UGDH: variants seen among roughly 807,000 people sequenced by gnomAD.
The protein encoded by UGDH is UDP-Glc dehydrogenase.
Under a neutral mutation model 50.6 loss-of-function variants are expected in UGDH, and 38 were observed. The ratio of observed to expected loss-of-function variants is 0.75; its 90% CI spans 0.58 to 0.98. UGDH has a LOEUF of 0.98. Ranked by LOEUF, UGDH falls within the 50% of genes least tolerant of loss-of-function variation. The probability of loss-of-function intolerance (pLI) is 0.00; values close to 1 mark genes in which losing one functional copy is unlikely to be tolerated. For synonymous variants in UGDH, 168 were observed against 199.9 expected (o/e 0.84, Z 1.35); for missense variants, 465 against 606.2 (o/e 0.77, Z 2.45).
intron 7 of UGDH, among the ~76,000 whole-genome samples, chr4:39,506,906 C>T (rs1319937720): frequency 6.6e-6 from 1 of 152,050 alleles, no homozygotes; most frequent in Non-Finnish European, 1.5e-5. Flanking sequence ...ACCTGTAGTC[C>T]CAGCTACTCA....
rs760394376 is a variant in UGDH, at chr4:39,503,994, A to G, written c.1264-9T>C. 19 of 1,610,366 alleles carry G rather than the reference A, an allele frequency of 1.2e-5. No individual in the cohort carries two copies. The Admixed American group carries it at 2.5e-4, about 21-fold the overall frequency. On this transcript the variant is annotated splice_polypyrimidine_tract_variant and intron_variant, in intron 10 of 11. Coordinates refer to ENST00000316423, the MANE Select transcript of UGDH (RefSeq NM_003359.4). ...CGTTCATAATCCAATTCCTGTAAAG[A>G]CAAACCACAGGAACAATTAAAACAC...
At chr4:39,512,402 G>T (rs1362426090) in intron 3 of UGDH, among the ~76,000 whole-genome samples, 1 of 152,144 alleles carries the variant, frequency 6.6e-6, no homozygotes, top group African/African-American at 2.4e-5. Flanking sequence ...AACAACTTAG[G>T]GCAAGAGTTA....
chr4:39,508,714 T>A, intron 6 of UGDH, 54 bp from the exon 7 acceptor site: 2 of 1,473,376 alleles, frequency 1.4e-6, no homozygotes, highest in Non-Finnish European at 9.2e-7. Flanking sequence ...GAAAACTCAA[T>A]CATGTGACAA....
At chr4:39,521,252 G>T in intron 2 of UGDH, 99 bp downstream of exon 2, 1 of 1,208,670 alleles carries the variant, frequency 8.3e-7, no homozygotes, top group East Asian at 2.8e-5. Flanking sequence ...TTTCTTACCA[G>T]TTGCTGTTAT....
At chr4:39,502,070 AG>A (rs1174735139) in intron 11 of UGDH, among the ~76,000 whole-genome samples, 1 of 152,198 alleles carries the variant, frequency 6.6e-6, no homozygotes, top group Non-Finnish European at 1.5e-5. Context: ...TCACTAGGAA[AG>A]TTAACTTTTA....
intron 11 of UGDH, among the ~76,000 whole-genome samples, 200 bp from the exon 12 acceptor site, chr4:39,500,453 T>C (rs891461772): frequency 1.3e-5 from 2 of 152,142 alleles, no homozygotes; most frequent in African/African-American, 4.8e-5. Flanking sequence ...ATCGTAATAT[T>C]CATATCTAGA....
In UGDH at chr4:39,505,228, A is replaced by G. The variant is rs1446271872; in HGVS notation, c.1171+9T>C. On this transcript the variant is annotated intron_variant, in intron 9 of 11. Coordinates refer to ENST00000316423, the MANE Select transcript of UGDH (RefSeq NM_003359.4). The stretch of plus-strand genomic sequence containing the variant: ...GACTCAAAATGATTCATGAGACTCA[A>G]AGCCTTACCTTGGTCATCCTCTGAA... 1.9e-6 allele frequency: 3 copies of G among 1,585,136 alleles called. No homozygotes were observed. The African/African-American group carries it at 4.1e-5, about 22-fold the overall frequency.
intron 1 of UGDH, among the ~76,000 whole-genome samples, chr4:39,522,554 C>A (rs564664505): frequency 3.3e-5 from 5 of 152,146 alleles, no homozygotes; most frequent in African/African-American, 1.2e-4. Flanking sequence ...TAAGATTATC[C>A]AATTCTTTTT....
chr4:39,522,486 A>C (rs908933443), intron 1 of UGDH, among the ~76,000 whole-genome samples: 8 of 152,226 alleles, frequency 5.3e-5, no homozygotes, highest in Admixed American at 4.6e-4. Context: ...AGGCTGGCCT[A>C]ATTTGAATGC....
At chr4:39,506,618 A>G (rs1045602159) in intron 7 of UGDH, among the ~76,000 whole-genome samples, 3 of 152,240 alleles carry the variant, frequency 2.0e-5, no homozygotes, top group Admixed American at 6.5e-5. Context: ...ACTAAATGTT[A>G]TAAGAGTCTC....
Position 39,499,972 on chromosome 4 carries a change from G to A in UGDH, c.*171C>T. 1 of 445,360 alleles carries A rather than the reference G, an allele frequency of 2.2e-6. No homozygotes were observed. Among genetic ancestry groups the A allele is most frequent in the East Asian group, 3.4e-5 (1 of 29,784 alleles). The allele number at this position is 445,360 out of a possible 1,614,324, so 27.6% of individuals were successfully genotyped here. On this transcript the variant is annotated 3_prime_UTR_variant, in exon 12 of 12. Transcript: ENST00000316423. The stretch of plus-strand genomic sequence containing the variant: ...GTGAACCTGGGAAGCAGAGCTTGCA[G>A]TGAGCCGAGATTGCACCACTGCACT...
At chr4:39,509,609 A>T in intron 6 of UGDH, 151 bp downstream of exon 6, 1 of 883,798 alleles carries the variant, frequency 1.1e-6, no homozygotes, top group Non-Finnish European at 1.6e-6. Context: ...AATTTCCCTG[A>T]GTCTGAATCA....
rs1745686425 is a variant in UGDH at position 39,498,912 on chromosome 4, C to G, written c.*1231G>C. On this transcript the variant is annotated 3_prime_UTR_variant, in exon 12 of 12. Transcript: ENST00000316423. ...TGCAAACTGTACATTCTCAGCAGAG[C>G]ACAAGTATCAAAGGGACATTGGATA... 1 of 151,970 alleles carries G rather than the reference C, an allele frequency of 6.6e-6. No individual in the cohort carries two copies. The highest frequency in any genetic ancestry group is 1.5e-5 in the Non-Finnish European group (1 of 68,022). The allele number at this position is 151,970 out of a possible 1,614,324, so 9.4% of individuals were successfully genotyped here. A position where few individuals can be genotyped will look rare whatever the true frequency, so the allele number is the denominator to read the frequency against.
intron 2 of UGDH, among the ~76,000 whole-genome samples, chr4:39,514,863 G>A (rs1372793930): frequency 6.6e-6 from 1 of 151,950 alleles, no homozygotes; most frequent in East Asian, 1.9e-4. Flanking sequence ...TGTATTTTTA[G>A]TAGAGATGGG....
At chr4:39,505,865 CAA>C in intron 7 of UGDH, 117 bp from the exon 8 acceptor site, 1 of 1,035,834 alleles carries the variant, frequency 9.7e-7, no homozygotes, top group Non-Finnish European at 1.3e-6. Context: ...TACATATTAA[CAA>C]GAGGCAAAAA....
chr4:39,506,691 TA>T, intron 7 of UGDH, among the ~76,000 whole-genome samples: 1 of 152,210 alleles, frequency 6.6e-6, no homozygotes, highest in Non-Finnish European at 1.5e-5. Flanking sequence ...GAAACTTTTT[TA>T]AGGCTTTAAG....
chr4:39,500,327 G>A, intron 11 of UGDH, 74 bp from the exon 12 acceptor site: 1 of 880,072 alleles, frequency 1.1e-6, no homozygotes, highest in Non-Finnish European at 1.7e-6. Context: ...TACTGAAATG[G>A]GAGCAGGGGG....
At chr4:39,512,048 G>T (rs1033320722) in intron 3 of UGDH, among the ~76,000 whole-genome samples, 5 of 151,808 alleles carry the variant, frequency 3.3e-5, no homozygotes, top group Non-Finnish European at 4.4e-5. Flanking sequence ...AAAATCATGG[G>T]CCCAGAGTCT....
intron 2 of UGDH, among the ~76,000 whole-genome samples, chr4:39,515,937 C>A (rs1308533713): frequency 6.6e-6 from 1 of 151,960 alleles, no homozygotes; most frequent in Non-Finnish European, 1.5e-5. Flanking sequence ...TGGCCTTAAG[C>A]GATCCACCCG....
Sources: gnomAD v4.1 joint callset for allele counts (sites outside exome capture counted in the v4.1 genomes callset) on GRCh38, gnomAD v4.1.1 for gene constraint, MANE v1.5 for transcripts, NCBI Gene and HGNC (gene_info 2026-07-23, HGNC 2026-07-21) for gene names.